Variants in RPS2 observed in about 807,000 individuals in gnomAD.
The protein encoded by RPS2 is small ribosomal subunit protein uS5.
RPS2 carries 8 observed loss-of-function variants against 25.3 expected under a neutral mutation model. The ratio of observed to expected loss-of-function variants is 0.32; its 90% confidence interval spans 0.19 to 0.57. The LOEUF is 0.57. Ranked by LOEUF, RPS2 falls within the 20% of genes least tolerant of loss-of-function variation. The pLI is 0.90. For synonymous variants in RPS2, 181 were observed against 161.3 expected (o/e 1.12, Z -0.92); for missense variants, 229 against 408.1 (o/e 0.56, Z 3.78).
chr16:1,962,697 C>A, intron 5 of RPS2, 39 bp downstream of exon 5: 1 of 1,588,034 alleles, frequency 6.3e-7, no homozygotes, highest in Non-Finnish European at 8.6e-7. Context: ...CCCGAGGGAG[C>A]CTGCCCCACG....
intron 3 of RPS2, chr16:1,963,800 C>T: frequency 2.2e-6 from 1 of 457,878 alleles, no homozygotes; most frequent in South Asian, 1.5e-5. Flanking sequence ...TTTCCTTTTG[C>T]TTTGTCCAGC....
Position 1,962,112 on chromosome 16 carries a change from C to T in RPS2, c.868G>A (p.Val290Met), listed in dbSNP as rs2083261491. ...VSVQRTQAPA[V>M]ATT is the part of the protein sequence containing the mutation. Reference sequence around the variant, plus strand: ...GTATAAAAACCCTATGTTGTAGCCACAGCTGGAGCCTGAGTCCGCTGCACG... The same window carrying T: ...GTATAAAAACCCTATGTTGTAGCCATAGCTGGAGCCTGAGTCCGCTGCACG... The change falls in exon 7 of 7, where the codon GTG becomes ATG. Residue 290 changes from valine to methionine, a missense_variant. By Grantham distance (21) the Val-to-Met change is conservative. Transcript: ENST00000343262. The T allele has an allele frequency of 1.9e-6, 3 of 1,565,268 alleles. No individual in the cohort carries two copies. Among genetic ancestry groups the T allele is most frequent in the Non-Finnish European group, 2.6e-6 (3 of 1,165,384 alleles).
intron 1 of RPS2, 58 bp from the exon 2 acceptor site, chr16:1,964,686 C>T (rs1042557595): frequency 3.1e-6 from 3 of 963,018 alleles, no homozygotes; most frequent in East Asian, 2.7e-5. Flanking sequence ...GGCAGCCCCC[C>T]GCGAGACCCA....
Position 1,962,597 on chromosome 16 carries a change from G to A in RPS2, c.609C>T (p.Gly203=), listed in dbSNP as rs112659495. 4.9e-3 allele frequency: 7,867 copies of A among 1,611,014 alleles called. 27 individuals are homozygous for A. The highest frequency in any genetic ancestry group is 5.4e-3 in the Non-Finnish European group (6,372 of 1,179,598). Residue 203 remains glycine, a synonymous_variant, in exon 6 of 7, where the codon GGC becomes GGT. Coordinates refer to ENST00000343262, the MANE Select transcript of RPS2 (RefSeq NM_002952.4). ...VRLIPAPRGT[G]IVSAPVPKKL... ...TCTTAGGCACAGGTGCGGAGACGATGCCAGTGCCCCTGGGTGCAGGGATGA... is the reference window on the plus strand; with the variant it reads ...TCTTAGGCACAGGTGCGGAGACGATACCAGTGCCCCTGGGTGCAGGGATGA...
rs2083289559 is a variant in RPS2 at position 1,964,553 on chromosome 16, AGCCACCGCGGTTCCCCATCCCAGG to A, written c.49_72del (p.Pro17_Gly24del). The A allele has an allele frequency of 6.3e-7, 1 of 1,590,172 alleles. No individual in the cohort carries two copies. Among genetic ancestry groups the A allele is most frequent in the Admixed American group, 1.7e-5 (1 of 57,962 alleles). On this transcript the variant is annotated inframe_deletion, in exon 2 of 7. Transcript: ENST00000343262. ...ATGCCACTGCCGAAACCTCCGCGGA[AGCCACCGCGGTTCCCCATCCCAGG>A]GCCACCAGGGCCCCCGGGCCCCCCC... is the stretch of plus-strand genomic sequence containing the variant.
Position 1,964,803 on chromosome 16 carries a change from T to G in RPS2, c.-4+4A>C, listed in dbSNP as rs971613545. On this transcript the variant is annotated splice_donor_region_variant and intron_variant, in intron 1 of 6. Coordinates refer to ENST00000343262, the MANE Select transcript of RPS2 (RefSeq NM_002952.4). ...GGCCCGCTGCAGCGACCAACAGGACTCACGTGTTTTGTCGGAAAAGAAGAA... is the reference window on the plus strand; with the variant it reads ...GGCCCGCTGCAGCGACCAACAGGACGCACGTGTTTTGTCGGAAAAGAAGAA... 3 of 540,300 alleles carry G rather than the reference T, an allele frequency of 5.6e-6. No individual in the cohort carries two copies. The highest frequency in any genetic ancestry group is 5.1e-5 in the South Asian group (2 of 39,374). The allele number at this position is 540,300 out of a possible 1,614,324, so 33.5% of individuals were successfully genotyped here. A position where few individuals can be genotyped will look rare whatever the true frequency, so the allele number is the denominator to read the frequency against.
At position 1,962,516 on chromosome 16, in the gene RPS2, A is replaced by C; in HGVS notation, c.690T>G (p.Thr230=). ...DDCYTSARGC[T]ATLGNFAKAT... is the part of the protein sequence containing the mutation. ...ACCTACCGAAGTTGCCCAGGGTGGCAGTGCAGCCCCGGGCTGAGGTGTAGC... is the reference window on the plus strand; with the variant it reads ...ACCTACCGAAGTTGCCCAGGGTGGCCGTGCAGCCCCGGGCTGAGGTGTAGC... Residue 230 remains threonine (T), a synonymous_variant, in exon 6 of 7, where the codon ACT becomes ACG. Transcript: ENST00000343262. 1 of 1,612,472 alleles carries C rather than the reference A, an allele frequency of 6.2e-7. No homozygotes were observed. The highest frequency in any genetic ancestry group is 8.5e-7 in the Non-Finnish European group (1 of 1,179,822).
chr16:1,964,823 G>C lies in RPS2; in HGVS notation c.-20C>G, dbSNP rs1035175016. 1.9e-6 allele frequency: 1 copy of C among 537,506 alleles called. No individual in the cohort carries two copies. The highest frequency in any genetic ancestry group is 3.2e-6 in the Non-Finnish European group (1 of 309,328). The allele number at this position is 537,506 out of a possible 1,614,324, so 33.3% of individuals were successfully genotyped here. On this transcript the variant is annotated 5_prime_UTR_variant, in exon 1 of 7. Transcript: ENST00000343262. ...AGGACTCACGTGTTTTGTCGGAAAA[G>C]AAGAACGAGACCTACTGGGAAGCAG...
In RPS2 at chr16:1,962,899, G is replaced by A. The variant is rs1429351694; in HGVS notation, c.386C>T (p.Ala129Val). Residue 129 changes from alanine (A) to valine (V), a missense_variant, in exon 5 of 7, where the codon GCT (alanine) becomes GTT (valine). Ala to Val is a moderately conservative substitution (Grantham distance 64, BLOSUM62 0). Transcript: ENST00000343262. Reference sequence around the variant, plus strand: ...GACGTGGCCATTGTAGTCCCCGATAGCAACAAATGCCTGCGAAAAGATGTG... The same window carrying A: ...GACGTGGCCATTGTAGTCCCCGATAACAACAAATGCCTGCGAAAAGATGTG... ...GQRTRFKAFV[A>V]IGDYNGHVGL... 4 of 1,599,826 alleles carry A rather than the reference G, an allele frequency of 2.5e-6. No homozygotes were observed. Among genetic ancestry groups the A allele is most frequent in the South Asian group, 1.1e-5 (1 of 91,032 alleles).
chr16:1,963,248 C>G lies in RPS2; in HGVS notation c.276G>C (p.Glu92Asp). ...YLFSLPIKESEIIDFFLGASL... is the reference protein window; with the variant it reads ...YLFSLPIKESDIIDFFLGASL... ...AGGCCCCCAGGAAGAAATCAATGAT[C>G]TCTGATTCCTGAAACAAACAAGAAA... Residue 92 changes from glutamate (E) to aspartate (D), a missense_variant, in exon 4 of 7, where the codon GAG (glutamate) becomes GAC (aspartate). Glu to Asp is a conservative substitution (Grantham distance 45). This residue lies in a region of RPS2 where 70 missense variants were observed against 119.0 expected (regional missense o/e 0.59). Coordinates refer to ENST00000343262, the MANE Select transcript of RPS2 (RefSeq NM_002952.4). 6.6e-7 allele frequency: 1 copy of G among 1,516,184 alleles called. No individual in the cohort carries two copies. The highest frequency in any genetic ancestry group is 8.9e-7 in the Non-Finnish European group (1 of 1,118,864). The allele number at this position is 1,516,184 out of a possible 1,614,324, so 93.9% of individuals were successfully genotyped here.
rs1374723337 is a variant in RPS2, at chr16:1,963,130, C to T, written c.375+19G>A. On this transcript the variant is annotated intron_variant, in intron 4 of 6. Coordinates refer to ENST00000343262, the MANE Select transcript of RPS2 (RefSeq NM_002952.4). ...GTCCCGGCAAGCCCAGCGCAGCCCC[C>T]TCCAGGACAGCCGGGTACCTTGAAC... 6.3e-7 allele frequency: 1 copy of T among 1,592,902 alleles called. No homozygotes were observed. Among genetic ancestry groups the T allele is most frequent in the East Asian group, 2.2e-5 (1 of 44,772 alleles).
rs763137203 is a variant in RPS2 at position 1,962,350 on chromosome 16, G to A, written c.710-80C>T. 7.8e-6 allele frequency: 11 copies of A among 1,409,110 alleles called. No homozygotes were observed. The African/African-American group carries it at 1.1e-4, about 14-fold the overall frequency. The allele number at this position is 1,409,110 out of a possible 1,614,324, so 87.3% of individuals were successfully genotyped here. ...CAACCCAAAAATTGTCGCACTCCTAGGAACAGAGAGGCCATTCTGGGCGGG... is the reference window on the plus strand; with the variant it reads ...CAACCCAAAAATTGTCGCACTCCTAAGAACAGAGAGGCCATTCTGGGCGGG... On this transcript the variant is annotated intron_variant, in intron 6 of 6. Transcript: ENST00000343262.
rs140705705 is a variant in RPS2, at chr16:1,962,498, G to A, written c.708C>T (p.Phe236=). ...ATGCCCCATGTGTGGACCACCTACCGAAGTTGCCCAGGGTGGCAGTGCAGC... is the reference window on the plus strand; with the variant it reads ...ATGCCCCATGTGTGGACCACCTACCAAAGTTGCCCAGGGTGGCAGTGCAGC... ...ARGCTATLGN[F]AKATFDAISK... The change falls in exon 6 of 7, where the codon TTC becomes TTT. Residue 236 remains phenylalanine (F), a splice_region_variant and synonymous_variant. Coordinates refer to ENST00000343262, the MANE Select transcript of RPS2 (RefSeq NM_002952.4). 267 of 1,612,490 alleles carry A rather than the reference G, an allele frequency of 1.7e-4. No homozygotes were observed. The African/African-American group carries it at 1.9e-3, about 11-fold the overall frequency.
rs761573172 is a variant in RPS2 at position 1,964,640 on chromosome 16, G to C, written c.-3-12C>G. The C allele has an allele frequency of 2.2e-5, 30 of 1,368,744 alleles. No individual in the cohort carries two copies. The highest frequency in any genetic ancestry group is 2.8e-5 in the Non-Finnish European group (28 of 1,007,396). 84.8% of individuals were successfully genotyped at this position (1,368,744 alleles called of 1,614,324 possible). A position where few individuals can be genotyped will look rare whatever the true frequency, so the allele number is the denominator to read the frequency against. On this transcript the variant is annotated splice_polypyrimidine_tract_variant and intron_variant, in intron 1 of 6. Transcript: ENST00000343262. ...TCATCCGCCATTTGCTGGGAAAAGC[G>C]ACAAGAAGGAACTAGTCAGTGTGGC...
Position 1,964,295 on chromosome 16 carries a change from A to G in RPS2, c.248T>C (p.Leu83Pro). 6.2e-7 allele frequency: 1 copy of G among 1,612,900 alleles called. No homozygotes were observed. Residue 83 changes from leucine to proline, a missense_variant, in exon 3 of 7, where the codon CTC (leucine) becomes CCC (proline). Coordinates refer to ENST00000343262, the MANE Select transcript of RPS2 (RefSeq NM_002952.4). ...MKIKSLEEIY[L>P]FSLPIKESEI... ...GCGTACCTTAATAGGCAGGGAGAAG[A>G]GATAGATCTCCTCCAGGGACTTGAT...
intron 3 of RPS2, chr16:1,963,851 G>A (rs79381233): frequency 0.031 from 13,727 of 443,724 alleles, 338 homozygotes; most frequent in African/African-American, 0.08. Flanking sequence ...TAGGGCGAAC[G>A]CTCACATGAC....
intron 4 of RPS2, 85 bp from the exon 5 acceptor site, chr16:1,962,994 AAG>A (rs2083270880): frequency 4.0e-6 from 6 of 1,487,506 alleles, no homozygotes; most frequent in East Asian, 2.3e-5. Flanking sequence ...CCCTCAAGGA[AAG>A]AGAGGCCACA....
intron 3 of RPS2, chr16:1,963,666 G>A (rs913102765): frequency 1.4e-5 from 5 of 365,626 alleles, no homozygotes; most frequent in African/African-American, 4.3e-5. Flanking sequence ...GCTTCCCCCC[G>A]ATCTGTCCCC....
At position 1,964,804 on chromosome 16, in the gene RPS2, C is replaced by T; in HGVS notation, c.-4+3G>A. The T allele has an allele frequency of 3.7e-6, 2 of 541,332 alleles. No individual in the cohort carries two copies. The highest frequency in any genetic ancestry group is 3.2e-6 in the Non-Finnish European group (1 of 311,700). The allele number at this position is 541,332 out of a possible 1,614,324, so 33.5% of individuals were successfully genotyped here. A position where few individuals can be genotyped will look rare whatever the true frequency, so the allele number is the denominator to read the frequency against. On this transcript the variant is annotated splice_donor_region_variant and intron_variant, in intron 1 of 6. Transcript: ENST00000343262. Reference sequence around the variant, plus strand: ...GCCCGCTGCAGCGACCAACAGGACTCACGTGTTTTGTCGGAAAAGAAGAAC... The same window carrying T: ...GCCCGCTGCAGCGACCAACAGGACTTACGTGTTTTGTCGGAAAAGAAGAAC...
Sources: gnomAD v4.1 joint callset for allele counts on GRCh38, gnomAD v4.1.1 for gene constraint, gnomAD v4.1.1 regional missense constraint, MANE v1.5 for transcripts, NCBI Gene and HGNC (gene_info 2026-07-23, HGNC 2026-07-21) for gene names.